The following CMKLR1 variants were observed in gnomAD, a reference collection of about 807,000 sequenced individuals.
The protein encoded by CMKLR1 is chemerin-like receptor 1.
In CMKLR1, 6 loss-of-function variants were observed where a neutral mutation model predicts 8.2. The observed-to-expected ratio is 0.73, with a 90% CI of 0.40 to 1.44. The LOEUF (loss-of-function observed/expected upper bound fraction) is 1.44, where lower values mean the gene tolerates loss of function less well. Ranked by LOEUF, CMKLR1 falls within the 40% of genes most tolerant of loss-of-function variation. The pLI is 0.02. For missense variants in CMKLR1, 429 were observed against 478.0 expected, an observed-to-expected ratio of 0.90 and a Z score of 0.96; for synonymous variants, 178 against 181.2, an observed-to-expected ratio of 0.98 and a Z score of 0.14.
rs1270850682 is a variant in CMKLR1 at position 108,292,164 on chromosome 12, T to A, written c.799A>T (p.Ile267Phe). The A allele has an allele frequency of 6.2e-7, 1 of 1,614,088 alleles. No individual in the cohort carries two copies. The highest frequency in any genetic ancestry group is 1.1e-5 in the South Asian group (1 of 91,074). ...KPFKIIVTII[I>F]TFFLCWCPYH... ...GGGCACCAGCAGAGGAAGAAGGTAA[T>A]GATGATGGTCACAATAATCTTGAAG... Residue 267 changes from isoleucine (I) to phenylalanine (F), a missense_variant, in exon 4 of 4, where the codon ATT becomes TTT. Transcript: ENST00000550402.
At chr12:108,324,946 C>T (rs538417711) in intron 2 of CMKLR1, among the ~76,000 whole-genome samples, 2 of 152,314 alleles carry the variant, frequency 1.3e-5, no homozygotes, top group South Asian at 4.2e-4. Context: ...CTTGAGAACA[C>T]TCCCACCGGG....
In CMKLR1 at chr12:108,291,258, T is replaced by C. The variant is rs892004653; in HGVS notation, c.*583A>G. The C allele has an allele frequency of 1.3e-5, 2 of 153,140 alleles. No individual in the cohort carries two copies. Among genetic ancestry groups the C allele is most frequent in the Non-Finnish European group, 2.9e-5 (2 of 68,778 alleles). 9.5% of individuals were successfully genotyped at this position (153,140 alleles called of 1,614,324 possible). Reference sequence around the variant, plus strand: ...TCTCAGGACCAGTTCTCTGTCTTCCTAGCTGATCCGAAAGCCAAATTCATG... The same window carrying C: ...TCTCAGGACCAGTTCTCTGTCTTCCCAGCTGATCCGAAAGCCAAATTCATG... On this transcript the variant is annotated 3_prime_UTR_variant, in exon 4 of 4. Coordinates refer to ENST00000550402, the MANE Select transcript of CMKLR1 (RefSeq NM_001142343.2).
chr12:108,301,633 G>A (rs1052729371), intron 2 of CMKLR1, among the ~76,000 whole-genome samples: 3 of 152,356 alleles, frequency 2.0e-5, no homozygotes, highest in African/African-American at 7.2e-5. Flanking sequence ...TATGTGGCAG[G>A]AGCCAAGCCC....
chr12:108,331,546 C>G (rs1250339465), intron 1 of CMKLR1, among the ~76,000 whole-genome samples: 1 of 152,198 alleles, frequency 6.6e-6, no homozygotes, highest in African/African-American at 2.4e-5. Flanking sequence ...AATAACAGAT[C>G]CCCAAAGATG....
chr12:108,311,961 C>G (rs1891591417), intron 2 of CMKLR1, among the ~76,000 whole-genome samples: 1 of 152,226 alleles, frequency 6.6e-6, no homozygotes, highest in South Asian at 2.1e-4. Flanking sequence ...TTGCAGGTCC[C>G]TCTGCCTGGG....
intron 2 of CMKLR1, among the ~76,000 whole-genome samples, chr12:108,313,725 G>A (rs1293431439): frequency 6.6e-6 from 1 of 152,244 alleles, no homozygotes; most frequent in Non-Finnish European, 1.5e-5. Flanking sequence ...CCCTTTGGCT[G>A]TTATGTTTAA....
intron 2 of CMKLR1, among the ~76,000 whole-genome samples, chr12:108,325,032 CA>C (rs1307722215): frequency 2.0e-5 from 3 of 152,102 alleles, no homozygotes; most frequent in Non-Finnish European, 4.4e-5. Flanking sequence ...GCACTTGCTA[CA>C]GAAGAAAGAG....
At chr12:108,323,516 C>T (rs1891909324) in intron 2 of CMKLR1, among the ~76,000 whole-genome samples, 1 of 152,132 alleles carries the variant, frequency 6.6e-6, no homozygotes. Flanking sequence ...AAATGTTTCC[C>T]TGAGGGAACC....
chr12:108,293,354 C>A (rs1409033524), intron 3 of CMKLR1, among the ~76,000 whole-genome samples: 1 of 152,110 alleles, frequency 6.6e-6, no homozygotes, highest in African/African-American at 2.4e-5. Context: ...CTGCTTGGGG[C>A]CCTGTCTTCC....
At chr12:108,337,369 C>T (rs770007606) in intron 1 of CMKLR1, among the ~76,000 whole-genome samples, 1 of 152,204 alleles carries the variant, frequency 6.6e-6, no homozygotes, top group Non-Finnish European at 1.5e-5. Flanking sequence ...CCCCATTTTA[C>T]AGATGGTGAA....
chr12:108,332,754 T>C (rs1892138201), intron 1 of CMKLR1, among the ~76,000 whole-genome samples: 1 of 152,166 alleles, frequency 6.6e-6, no homozygotes, highest in African/African-American at 2.4e-5. Flanking sequence ...CCTTTTTATA[T>C]GTAGAGAGTG....
intron 2 of CMKLR1, among the ~76,000 whole-genome samples, chr12:108,320,089 C>T (rs1891824772): frequency 6.6e-6 from 1 of 152,068 alleles, no homozygotes; most frequent in Non-Finnish European, 1.5e-5. Context: ...GCTGCCTGGA[C>T]ACAGTGAAAT....
At chr12:108,315,641 C>G (rs1891703352) in intron 2 of CMKLR1, among the ~76,000 whole-genome samples, 1 of 152,204 alleles carries the variant, frequency 6.6e-6, no homozygotes, top group Non-Finnish European at 1.5e-5. Flanking sequence ...AAGGCTGTGG[C>G]TGCTGTTTCA....
At chr12:108,302,516 G>A (rs1375197667) in intron 2 of CMKLR1, among the ~76,000 whole-genome samples, 1 of 151,828 alleles carries the variant, frequency 6.6e-6, no homozygotes, top group Non-Finnish European at 1.5e-5. Flanking sequence ...CCAGGCAGGG[G>A]TGCAGCATCC....
chr12:108,300,143 A>G (rs1328511380), intron 2 of CMKLR1, among the ~76,000 whole-genome samples: 1 of 152,126 alleles, frequency 6.6e-6, no homozygotes, highest in Non-Finnish European at 1.5e-5. Context: ...TTTCTCTTAC[A>G]CTATGGACCA....
chr12:108,328,763 G>A (rs1424455421), intron 2 of CMKLR1, among the ~76,000 whole-genome samples: 2 of 152,194 alleles, frequency 1.3e-5, no homozygotes, highest in Non-Finnish European at 2.9e-5. Flanking sequence ...AGGCCGGGGG[G>A]CCCTTTAATG....
At chr12:108,327,196 G>A (rs1318885335) in intron 2 of CMKLR1, among the ~76,000 whole-genome samples, 1 of 152,238 alleles carries the variant, frequency 6.6e-6, no homozygotes, top group African/African-American at 2.4e-5. Context: ...GATGTCCTGA[G>A]GCCAGGCACG....
At position 108,307,755 on chromosome 12, in the gene CMKLR1, T is replaced by C. The variant is rs80050702; in HGVS notation, c.-73-14091A>G. Among the ~76,000 whole-genome samples, 1,459 of 152,330 alleles carry C rather than the reference T, an allele frequency of 9.6e-3. 21 individuals carry two copies. The highest frequency in any genetic ancestry group is 0.033 in the African/African-American group (1,365 of 41,574). Reference sequence around the variant, plus strand: ...AGTCCCTCAGCTGAAACCAAGCTATTGTCTGGCCTCAGTCGGGACAGGGCA... The same window carrying C: ...AGTCCCTCAGCTGAAACCAAGCTATCGTCTGGCCTCAGTCGGGACAGGGCA... On this transcript the variant is annotated intron_variant, in intron 2 of 3. Transcript: ENST00000550402.
chr12:108,316,669 C>T (rs1320193488), intron 2 of CMKLR1, among the ~76,000 whole-genome samples: 1 of 152,196 alleles, frequency 6.6e-6, no homozygotes, highest in African/African-American at 2.4e-5. Flanking sequence ...AGCTGTCCTC[C>T]TGGGGTGAGG....
Sources: allele counts gnomAD v4.1 joint callset (sites outside exome capture counted in the v4.1 genomes callset), GRCh38; gene constraint gnomAD v4.1.1; transcripts MANE v1.5; gene names NCBI Gene and HGNC (gene_info 2026-07-23, HGNC 2026-07-21).